BFSP2: variants seen among roughly 807,000 people sequenced by gnomAD.
BFSP2 encodes the protein beaded filament structural protein 2, also known as phakinin.
BFSP2 carries 38 observed loss-of-function variants against 44.9 expected under a neutral mutation model. That is an observed-to-expected ratio of 0.85 (90% CI 0.65 to 1.11). The LOEUF (loss-of-function observed/expected upper bound fraction) is 1.11, where lower values mean the gene tolerates loss of function less well. BFSP2 is among the 50% of genes least tolerant of loss of function. BFSP2 has a pLI of 0.00. For missense variants in BFSP2, 525 were observed against 533.0 expected, an observed-to-expected ratio of 0.99 and a Z score of 0.15; for synonymous variants, 197 against 209.9, an observed-to-expected ratio of 0.94 and a Z score of 0.53.
chr3:133,417,613 C>T (rs2073552230), intron 1 of BFSP2, among the ~76,000 whole-genome samples: 1 of 140,642 alleles, frequency 7.1e-6, no homozygotes. Context: ...CTCCTCTACT[C>T]ACTCCTGCCA....
intron 5 of BFSP2, among the ~76,000 whole-genome samples, chr3:133,469,232 C>A (rs563269795): frequency 4.6e-5 from 7 of 152,210 alleles, no homozygotes; most frequent in Non-Finnish European, 7.3e-5. Flanking sequence ...GGCCTTGCAG[C>A]CAAGGTGAGG....
intron 4 of BFSP2, among the ~76,000 whole-genome samples, chr3:133,463,991 C>T (rs2074087482): frequency 2.0e-5 from 3 of 152,280 alleles, no homozygotes; most frequent in South Asian, 2.1e-4. Context: ...AATCAGCTCC[C>T]GTGAGCTGTT....
intron 4 of BFSP2, 34 bp from the exon 5 acceptor site, chr3:133,466,794 A>G (rs1194718431): frequency 1.2e-6 from 2 of 1,605,108 alleles, no homozygotes; most frequent in Non-Finnish European, 1.7e-6. Flanking sequence ...ATTTCTGATC[A>G]TCACCGCTCA....
intron 1 of BFSP2, chr3:133,429,300 T>C (rs1173417382): frequency 1.3e-5 from 2 of 152,218 alleles, no homozygotes; most frequent in Non-Finnish European, 2.9e-5. Flanking sequence ...CAGAGAGAGA[T>C]TTATTTTAGG....
chr3:133,463,853 C>G (rs1177718478), intron 4 of BFSP2, among the ~76,000 whole-genome samples: 1 of 152,166 alleles, frequency 6.6e-6, no homozygotes, highest in East Asian at 1.9e-4. Context: ...GGGTGCCTCT[C>G]CCGCCCTGTT....
At chr3:133,414,982 T>TCTACTTACCCCTGCCATTTCC (rs2073502197) in intron 1 of BFSP2, among the ~76,000 whole-genome samples, 1 of 55,384 alleles carries the variant, frequency 1.8e-5, no homozygotes, top group Non-Finnish European at 3.5e-5. Flanking sequence ...CTGCCATCTC[T>TCTACTTACCCCTGCCATTTCC]CCTCTACTCA....
intron 1 of BFSP2, among the ~76,000 whole-genome samples, chr3:133,426,220 A>C (rs529055854): frequency 6.6e-6 from 1 of 151,790 alleles, no homozygotes; most frequent in East Asian, 2.0e-4. Context: ...CCCCTCCCCC[A>C]AGTTTCTGCC....
chr3:133,402,890 G>A (rs1002223815), intron 1 of BFSP2, among the ~76,000 whole-genome samples: 2 of 152,088 alleles, frequency 1.3e-5, no homozygotes, highest in South Asian at 4.2e-4. Flanking sequence ...TGATCCACCC[G>A]CCTCTGCCTC....
intron 1 of BFSP2, among the ~76,000 whole-genome samples, chr3:133,409,036 CAAAT>C (rs999050623): frequency 6.6e-6 from 1 of 152,110 alleles, no homozygotes. Context: ...TAAAAAGAAA[CAAAT>C]GAATCCAGCT....
At chr3:133,464,816 T>C (rs566157571) in intron 4 of BFSP2, among the ~76,000 whole-genome samples, 4 of 152,218 alleles carry the variant, frequency 2.6e-5, no homozygotes, top group African/African-American at 9.6e-5. Context: ...ATTGAGACTC[T>C]GAGAAGCTGA....
At chr3:133,452,105 TTG>T (rs2073971021) in intron 4 of BFSP2, among the ~76,000 whole-genome samples, 1 of 152,166 alleles carries the variant, frequency 6.6e-6, no homozygotes, top group Admixed American at 6.5e-5. Flanking sequence ...GAGAGGGACT[TTG>T]TGATTTTTAA....
intron 1 of BFSP2, among the ~76,000 whole-genome samples, chr3:133,422,194 A>G (rs1413304870): frequency 1.3e-5 from 2 of 152,070 alleles, no homozygotes; most frequent in African/African-American, 2.4e-5. Context: ...AGAGAGTCCA[A>G]GAGAATGCTG....
Position 133,400,216 on chromosome 3 carries a change from A to C in BFSP2, c.133A>C (p.Asn45His). 1.9e-6 allele frequency: 3 copies of C among 1,614,020 alleles called. No homozygotes were observed. Among genetic ancestry groups the C allele is most frequent in the Non-Finnish European group, 2.5e-6 (3 of 1,179,968 alleles). ...SLESPPASRTNAMSGLVRAPG... is the reference protein window; with the variant it reads ...SLESPPASRTHAMSGLVRAPG... Reference sequence around the variant, plus strand: ...GGAGAGCCCCCCAGCCTCCAGGACCAATGCCATGAGTGGCCTTGTCCGAGC... The same window carrying C: ...GGAGAGCCCCCCAGCCTCCAGGACCCATGCCATGAGTGGCCTTGTCCGAGC... Residue 45 changes from asparagine to histidine, a missense_variant, in exon 1 of 7, where the codon AAT becomes CAT. By Grantham distance (68) the Asn-to-His change is moderately conservative. Coordinates refer to ENST00000302334, the MANE Select transcript of BFSP2 (RefSeq NM_003571.4). This position sits in a 1 kb window ranked among gnomAD's most constrained non-coding sequence, Gnocchi z 4.0.
At chr3:133,432,340 A>G (rs1199845040) in intron 1 of BFSP2, among the ~76,000 whole-genome samples, 1 of 151,996 alleles carries the variant, frequency 6.6e-6, no homozygotes, top group Non-Finnish European at 1.5e-5. Context: ...ACCTTCCTCC[A>G]CAACTCACTA....
chr3:133,435,945 A>G (rs1051508023), intron 1 of BFSP2, among the ~76,000 whole-genome samples: 1 of 152,126 alleles, frequency 6.6e-6, no homozygotes, highest in Admixed American at 6.5e-5. Flanking sequence ...TTCTGAATTC[A>G]TGTTGCTATG....
chr3:133,444,131 G>C (rs1408234075), intron 1 of BFSP2, among the ~76,000 whole-genome samples: 1 of 151,568 alleles, frequency 6.6e-6, no homozygotes, highest in Non-Finnish European at 1.5e-5. Context: ...TATATATCAA[G>C]CCACTAGATG....
In BFSP2 at chr3:133,466,906, A is replaced by G. The variant is rs779795183; in HGVS notation, c.970A>G (p.Thr324Ala). The G allele has an allele frequency of 1.9e-6, 3 of 1,613,956 alleles. No individual in the cohort carries two copies. In the African/African-American group the frequency reaches 4.0e-5, roughly 22 times the overall value. The stretch of plus-strand genomic sequence containing the variant: ...TGCCCTCAGGGTGGAGTTACACAAC[A>G]CTTCGTGCCAAGTCCAGAGCCTCCA... ...AAALRVELHN[T>A]SCQVQSLQAE... Residue 324 changes from threonine to alanine, a missense_variant, in exon 5 of 7, where the codon ACT becomes GCT. By Grantham distance (58) the Thr-to-Ala change is moderately conservative. Coordinates refer to ENST00000302334, the MANE Select transcript of BFSP2 (RefSeq NM_003571.4).
At chr3:133,401,479 T>G (rs2073362297) in intron 1 of BFSP2, among the ~76,000 whole-genome samples, 1 of 152,212 alleles carries the variant, frequency 6.6e-6, no homozygotes. Flanking sequence ...ATGCAGAGGT[T>G]TCATCTTTCT....
intron 1 of BFSP2, among the ~76,000 whole-genome samples, chr3:133,437,052 G>A (rs919377773): frequency 2.0e-5 from 3 of 152,166 alleles, no homozygotes; most frequent in African/African-American, 4.8e-5. Flanking sequence ...TGTGAATAGT[G>A]CCACAATAAA....
Sources: allele counts gnomAD v4.1 joint callset (sites outside exome capture counted in the v4.1 genomes callset), GRCh38; gene constraint gnomAD v4.1.1; non-coding constraint Gnocchi (gnomAD v3.1); transcripts MANE v1.5; gene names NCBI Gene and HGNC (gene_info 2026-07-23, HGNC 2026-07-21).